Variants in FAM107B observed in about 807,000 individuals in gnomAD.
FAM107B encodes protein FAM107B.
FAM107B carries 21 observed loss-of-function variants against 31.5 expected under a neutral mutation model. The ratio of observed to expected loss-of-function variants is 0.67; its 90% CI spans 0.47 to 0.96. FAM107B has a LOEUF of 0.96. Among genes scored for constraint, FAM107B ranks in the 40% least tolerant of loss-of-function variants. The pLI is 0.00. For synonymous variants in FAM107B, 157 were observed against 141.5 expected (o/e 1.11, Z -0.78); for missense variants, 452 against 377.1 (o/e 1.20, Z -1.64).
chr10:14,658,796 T>A (rs895824557), intron 2 of FAM107B, among the ~76,000 whole-genome samples: 1 of 152,242 alleles, frequency 6.6e-6, no homozygotes. Context: ...GGCTCCATCC[T>A]AGGCATTCAT....
intron 1 of FAM107B, among the ~76,000 whole-genome samples, chr10:14,756,563 T>G (rs1832934933): frequency 6.6e-6 from 1 of 152,220 alleles, no homozygotes; most frequent in Non-Finnish European, 1.5e-5. Flanking sequence ...CCACTGATGG[T>G]GGGTGTGTAA....
intron 1 of FAM107B, among the ~76,000 whole-genome samples, chr10:14,722,889 T>G (rs1855945277): frequency 6.6e-6 from 1 of 152,214 alleles, no homozygotes; most frequent in Non-Finnish European, 1.5e-5. Context: ...AACCATTGCC[T>G]AATCCAAGGT....
intron 1 of FAM107B, among the ~76,000 whole-genome samples, chr10:14,682,256 T>A (rs1564624147): frequency 6.6e-6 from 1 of 152,298 alleles, no homozygotes; most frequent in East Asian, 1.9e-4. Context: ...GGGCTGGCTG[T>A]GGTGGCTCAT....
At chr10:14,736,485 T>A (rs1856303491) in intron 1 of FAM107B, among the ~76,000 whole-genome samples, 1 of 152,190 alleles carries the variant, frequency 6.6e-6, no homozygotes, top group Non-Finnish European at 1.5e-5. Context: ...TAAGACTCTA[T>A]CCTTAGTGTA....
intron 2 of FAM107B, among the ~76,000 whole-genome samples, chr10:14,658,039 T>C (rs1267889572): frequency 6.6e-6 from 1 of 152,146 alleles, no homozygotes; most frequent in Non-Finnish European, 1.5e-5. Flanking sequence ...CTCCAACTCC[T>C]GGGCTCAAGC....
chr10:14,532,831 A>G (rs1243257373), intron 2 of FAM107B: 1 of 152,288 alleles, frequency 6.6e-6, no homozygotes, highest in Non-Finnish European at 1.5e-5. Flanking sequence ...TGCCAAACCC[A>G]AACAGACAAC....
intron 1 of FAM107B, among the ~76,000 whole-genome samples, chr10:14,739,580 A>G (rs1856388159): frequency 6.6e-6 from 1 of 151,428 alleles, no homozygotes; most frequent in Non-Finnish European, 1.5e-5. Flanking sequence ...GGCCTGACCA[A>G]TTATCATCAG....
intron 2 of FAM107B, among the ~76,000 whole-genome samples, chr10:14,544,718 T>C (rs1228359327): frequency 6.6e-6 from 1 of 151,974 alleles, no homozygotes; most frequent in African/African-American, 2.4e-5. Flanking sequence ...ATGATATTTA[T>C]TCCGGCATGG....
chr10:14,654,955 G>A (rs1186586263), intron 2 of FAM107B, among the ~76,000 whole-genome samples: 2 of 152,254 alleles, frequency 1.3e-5, no homozygotes, highest in East Asian at 3.9e-4. Flanking sequence ...AGTTCATTCT[G>A]CATTGCTATA....
chr10:14,623,743 T>C (rs1853078010), intron 2 of FAM107B, among the ~76,000 whole-genome samples: 1 of 152,148 alleles, frequency 6.6e-6, no homozygotes, highest in Admixed American at 6.5e-5. Flanking sequence ...TGAGAATTGC[T>C]TGAACCTGGG....
chr10:14,584,174 G>A (rs1236330374), intron 2 of FAM107B, among the ~76,000 whole-genome samples: 1 of 152,192 alleles, frequency 6.6e-6, no homozygotes, highest in Non-Finnish European at 1.5e-5. Flanking sequence ...AACACTCTGG[G>A]TCTGATCTGG....
intron 2 of FAM107B, among the ~76,000 whole-genome samples, chr10:14,619,434 T>A (rs1046566535): frequency 3.9e-5 from 6 of 152,212 alleles, no homozygotes; most frequent in Non-Finnish European, 8.8e-5. Context: ...AATGGCTTAT[T>A]ATGTTGAGCA....
At chr10:14,681,621 T>A (rs1419966482) in intron 1 of FAM107B, among the ~76,000 whole-genome samples, 2 of 152,166 alleles carry the variant, frequency 1.3e-5, no homozygotes, top group Non-Finnish European at 2.9e-5. Context: ...GACTGTAATT[T>A]TCCAGACTTG....
In FAM107B at chr10:14,723,969, G is replaced by C. The variant is rs550059189; in HGVS notation, c.411+50284C>G. ...TGTGCTGTTCCATTTGGAAGTCAAG[G>C]TTAGTGTCACCTAAGTGGGTTCCTG... On this transcript the variant is annotated intron_variant, in intron 1 of 4. Coordinates refer to ENST00000181796, the MANE Select transcript of FAM107B (RefSeq NM_031453.4). 70 of 749,938 alleles carry C rather than the reference G, an allele frequency of 9.3e-5. 2 individuals are homozygous for C. The Admixed American group carries it at 1.2e-3, about 12-fold the overall frequency. The allele number at this position is 749,938 out of a possible 1,614,324, so 46.5% of individuals were successfully genotyped here. A position where few individuals can be genotyped will look rare whatever the true frequency, so the allele number is the denominator to read the frequency against.
At chr10:14,671,826 A>C (rs1482828079) in intron 1 of FAM107B, among the ~76,000 whole-genome samples, 1 of 149,810 alleles carries the variant, frequency 6.7e-6, no homozygotes, top group Non-Finnish European at 1.5e-5. Context: ...AGCAAGATTA[A>C]CCCTGGACTT....
intron 2 of FAM107B, among the ~76,000 whole-genome samples, chr10:14,585,252 C>A (rs1851785234): frequency 6.6e-6 from 1 of 152,126 alleles, no homozygotes; most frequent in Admixed American, 6.5e-5. Context: ...ATTCTTTGTT[C>A]AAAATGCCAA....
rs1002253726 is a variant in FAM107B, at chr10:14,637,764, G to T, written c.469+29870C>A. Among the ~76,000 whole-genome samples, 8 of 152,158 alleles carry T rather than the reference G, an allele frequency of 5.3e-5. No individual in the cohort carries two copies. The South Asian group carries it at 1.2e-3, about 24-fold the overall frequency. On this transcript the variant is annotated intron_variant, in intron 2 of 4. Coordinates refer to ENST00000181796, the MANE Select transcript of FAM107B (RefSeq NM_031453.4). ...TGACAAAGCAAGCTGACATGTTGGG[G>T]TGGTGTATATTAGGATGCCCATGTG...
At chr10:14,725,495 G>T (rs77890649) in intron 1 of FAM107B, among the ~76,000 whole-genome samples, 2,081 of 152,250 alleles carry the variant, frequency 0.014, 26 homozygotes, top group Non-Finnish European at 0.019. Context: ...CTGGAAGCTG[G>T]GAAGTCCAAG....
intron 2 of FAM107B, among the ~76,000 whole-genome samples, chr10:14,582,592 T>C (rs1273551961): frequency 6.6e-6 from 1 of 151,694 alleles, no homozygotes; most frequent in Non-Finnish European, 1.5e-5. Context: ...TTAACCAGGA[T>C]GGTCTCGATC....
Sources: gnomAD v4.1 joint callset for allele counts (sites outside exome capture counted in the v4.1 genomes callset) on GRCh38, gnomAD v4.1.1 for gene constraint, MANE v1.5 for transcripts, NCBI Gene and HGNC (gene_info 2026-07-23, HGNC 2026-07-21) for gene names.